The following SLC20A2 variants were observed in gnomAD, a reference collection of about 807,000 sequenced individuals.
SLC20A2 encodes the protein sodium-dependent phosphate transporter 2.
A neutral mutation model predicts 61.0 loss-of-function variants in SLC20A2; 30 were observed. That is an observed-to-expected ratio of 0.49 (90% CI 0.37 to 0.67). SLC20A2 has a LOEUF of 0.67. Among genes scored for constraint, SLC20A2 ranks in the 30% least tolerant of loss-of-function variants. SLC20A2 has a pLI of 0.00. For synonymous variants in SLC20A2, 351 were observed against 353.3 expected (o/e 0.99, Z 0.07); for missense variants, 626 against 866.4 (o/e 0.72, Z 3.48).
intron 2 of SLC20A2, among the ~76,000 whole-genome samples, chr8:42,470,483 A>T (rs1479088088): frequency 6.6e-6 from 1 of 152,040 alleles, no homozygotes; most frequent in East Asian, 1.9e-4. Flanking sequence ...GGGCCTCCCA[A>T]AGTTGAACCT....
chr8:42,454,050 C>G lies in SLC20A2; in HGVS notation c.613+5846G>C, dbSNP rs542790082. Among the ~76,000 whole-genome samples, 33 of 152,208 alleles carry G rather than the reference C, an allele frequency of 2.2e-4. No homozygotes were observed. In the South Asian group the frequency reaches 2.3e-3, roughly 11 times the overall value. Reference sequence around the variant, plus strand: ...ACAGAGTCTCGCTCTGTCTCCCAGGCTGGAGTGCAGTGGTGCAATCTCAGG... The same window carrying G: ...ACAGAGTCTCGCTCTGTCTCCCAGGGTGGAGTGCAGTGGTGCAATCTCAGG... On this transcript the variant is annotated intron_variant, in intron 5 of 10. Transcript: ENST00000520262.
At position 42,492,873 on chromosome 8, in the gene SLC20A2, G is replaced by A. The variant is rs568175762; in HGVS notation, c.-265+8158C>T. On this transcript the variant is annotated intron_variant, in intron 1 of 10. Transcript: ENST00000520262. The stretch of plus-strand genomic sequence containing the variant: ...TTTTTGTATTTTTAGTAGAGAGACG[G>A]GGTTTCGCTGTGTTAGCCAGGATGG... Among the ~76,000 whole-genome samples the A allele has an allele frequency of 2.6e-5, 4 of 152,150 alleles. No individual in the cohort carries two copies. The South Asian group carries it at 8.3e-4, about 32-fold the overall frequency.
intron 1 of SLC20A2, among the ~76,000 whole-genome samples, chr8:42,516,044 G>A (rs377360545): frequency 1.3e-5 from 2 of 152,170 alleles, no homozygotes; most frequent in African/African-American, 4.8e-5. Context: ...AAGCCATAGC[G>A]AGGGCAGGAA....
At chr8:42,446,418 C>T (rs1170200296) in intron 5 of SLC20A2, among the ~76,000 whole-genome samples, 1 of 152,184 alleles carries the variant, frequency 6.6e-6, no homozygotes, top group African/African-American at 2.4e-5. Context: ...TATGCTCATA[C>T]ATAAACTCAC....
chr8:42,436,185 T>G (rs1042117523), intron 8 of SLC20A2, among the ~76,000 whole-genome samples: 2 of 152,082 alleles, frequency 1.3e-5, no homozygotes, highest in African/African-American at 4.8e-5. Flanking sequence ...TTCTGGCTGT[T>G]TCCTCGGTCT....
At chr8:42,448,149 G>A (rs184887451) in intron 5 of SLC20A2, among the ~76,000 whole-genome samples, 1 of 152,294 alleles carries the variant, frequency 6.6e-6, no homozygotes, top group East Asian at 1.9e-4. Flanking sequence ...CGCCAACACC[G>A]ATCCCACGCA....
intron 1 of SLC20A2, among the ~76,000 whole-genome samples, chr8:42,492,247 G>A (rs962449012): frequency 3.3e-5 from 5 of 152,000 alleles, no homozygotes; most frequent in African/African-American, 9.7e-5. Flanking sequence ...TCCCAGCTAC[G>A]CAGGAGGCTG....
At chr8:42,463,161 C>A in intron 3 of SLC20A2, 71 bp from the exon 4 acceptor site, 1 of 835,386 alleles carries the variant, frequency 1.2e-6, no homozygotes, top group Non-Finnish European at 1.9e-6. Flanking sequence ...TCATAGAACA[C>A]AATGATAAAC....
At position 42,462,564 on chromosome 8, in the gene SLC20A2, C is replaced by T. The variant is rs372027817; in HGVS notation, c.516+441G>A. On this transcript the variant is annotated intron_variant, in intron 4 of 10. Coordinates refer to ENST00000520262, the MANE Select transcript of SLC20A2 (RefSeq NM_001257180.2). ...TTCTTTTTATCCTTTCCTCAAATTG[C>T]GTCAGTGTTTCAACCTTGCTCTCTC... Among the ~76,000 whole-genome samples the T allele has an allele frequency of 9.3e-5, 14 of 151,068 alleles. No individual in the cohort carries two copies. The East Asian group carries it at 1.7e-3, about 19-fold the overall frequency.
In SLC20A2 at chr8:42,488,180, C is replaced by CTTTTTTT. The variant is rs35200743; in HGVS notation, c.-265+12844_-265+12850dup. Among the ~76,000 whole-genome samples, 11 of 87,006 alleles carry CTTTTTTT rather than the reference C, an allele frequency of 1.3e-4. 1 individual carries two copies. The highest frequency in any genetic ancestry group is 1.5e-4 in the Admixed American group (1 of 6,692). 57.1% of individuals were successfully genotyped at this position (87,006 alleles called of 152,430 possible). A position where few individuals can be genotyped will look rare whatever the true frequency, so the allele number is the denominator to read the frequency against. On this transcript the variant is annotated intron_variant, in intron 1 of 10. Coordinates refer to ENST00000520262, the MANE Select transcript of SLC20A2 (RefSeq NM_001257180.2). ...CTTTTAGCGACTGTGAATAATACTG[C>CTTTTTTT]TTTTTTTTTTTTTTTTTTTTTTTGA...
chr8:42,537,508 G>T (rs573036996), intron 1 of SLC20A2: 17 of 151,186 alleles, frequency 1.1e-4, no homozygotes, highest in African/African-American at 3.9e-4. Context: ...TTTAAAAAAA[G>T]AAATGCAGTA....
intron 1 of SLC20A2, among the ~76,000 whole-genome samples, chr8:42,540,002 C>T (rs1250063764): frequency 6.6e-6 from 1 of 152,210 alleles, no homozygotes; most frequent in African/African-American, 2.4e-5. Flanking sequence ...GCATTTAATG[C>T]ACACGTTTGC....
At chr8:42,441,327 T>A (rs886746179) in intron 6 of SLC20A2, among the ~76,000 whole-genome samples, 3 of 150,634 alleles carry the variant, frequency 2.0e-5, no homozygotes, top group African/African-American at 7.4e-5. Flanking sequence ...ACTAATTTTG[T>A]ATATTTAGTA....
chr8:42,536,075 C>T (rs1043909710), intron 1 of SLC20A2, among the ~76,000 whole-genome samples: 2 of 152,172 alleles, frequency 1.3e-5, no homozygotes, highest in East Asian at 1.9e-4. Flanking sequence ...TTAGGGCTAA[C>T]GTGCAAATTG....
At chr8:42,447,491 C>A (rs1268489689) in intron 5 of SLC20A2, among the ~76,000 whole-genome samples, 2 of 152,062 alleles carry the variant, frequency 1.3e-5, no homozygotes, top group African/African-American at 4.8e-5. Context: ...TCCTGGCTAA[C>A]ACGGTGAAAC....
chr8:42,501,966 G>A (rs10087350), upstream of SLC20A2, among the ~76,000 whole-genome samples: 53,975 of 152,014 alleles, frequency 0.36, 10,128 homozygotes, highest in East Asian at 0.43. Flanking sequence ...ACTTTCTCTC[G>A]AAAATATAAG....
rs529095736 is a variant in SLC20A2 at position 42,507,902 on chromosome 8, G to A, written c.-265+33919C>T. Among the ~76,000 whole-genome samples the A allele has an allele frequency of 2.6e-5, 4 of 152,354 alleles. No homozygotes were observed. In the South Asian group the frequency reaches 8.3e-4, roughly 32 times the overall value. On this transcript the variant is annotated intron_variant, in intron 1 of 10. Transcript: ENST00000342228. ...TGGCCCGGCGCGGTGGCTCATGCCT[G>A]TAATCCCAGCACTTTGGGAGGCTGA...
chr8:42,527,724 C>T (rs199650784), intron 1 of SLC20A2, among the ~76,000 whole-genome samples: 10 of 151,844 alleles, frequency 6.6e-5, no homozygotes, highest in East Asian at 1.9e-4. Flanking sequence ...GCCGAGATCG[C>T]GCCACTGCAC....
intron 1 of SLC20A2, among the ~76,000 whole-genome samples, chr8:42,497,414 C>T (rs945351609): frequency 5.9e-5 from 9 of 152,116 alleles, no homozygotes; most frequent in Non-Finnish European, 1.3e-4. Context: ...TTTTCTGATT[C>T]AGCAGGGCCT....
Sources: gnomAD v4.1 joint callset for allele counts (sites outside exome capture counted in the v4.1 genomes callset) on GRCh38, gnomAD v4.1.1 for gene constraint, MANE v1.5 for transcripts, NCBI Gene and HGNC (gene_info 2026-07-23, HGNC 2026-07-21) for gene names.